STK3: variants seen among roughly 807,000 people sequenced by gnomAD.
STK3 encodes serine/threonine-protein kinase 3.
In STK3, 41 loss-of-function variants were observed where a neutral mutation model predicts 58.0. The ratio of observed to expected loss-of-function variants is 0.71; its 90% CI spans 0.55 to 0.92. The LOEUF (loss-of-function observed/expected upper bound fraction) is 0.92. Ranked by LOEUF, STK3 falls within the 40% of genes least tolerant of loss-of-function variation. STK3 has a pLI of 0.00. For missense variants in STK3, 479 were observed against 602.7 expected (o/e 0.79, Z 2.15); for synonymous variants, 170 against 191.0 (o/e 0.89, Z 0.91).
intron 3 of STK3, among the ~76,000 whole-genome samples, chr8:98,425,790 TAAAG>T (rs1340112493): frequency 6.6e-6 from 1 of 152,078 alleles, no homozygotes; most frequent in African/African-American, 2.4e-5. Context: ...CAGGATTGCG[TAAAG>T]AAAGAATGTA....
chr8:98,631,583 A>G (rs1208127154), intron 6 of STK3, among the ~76,000 whole-genome samples: 1 of 152,038 alleles, frequency 6.6e-6, no homozygotes, highest in Admixed American at 6.6e-5. Flanking sequence ...TATCACAAAC[A>G]TATCTGTCAT....
chr8:98,552,123 T>G (rs1811219407), intron 8 of STK3, among the ~76,000 whole-genome samples: 1 of 152,170 alleles, frequency 6.6e-6, no homozygotes, highest in South Asian at 2.1e-4. Flanking sequence ...AAGCTCACAA[T>G]TTTTAAAAGC....
downstream of STK3, chr8:98,401,259 G>C (rs1817941265): frequency 6.6e-6 from 1 of 152,280 alleles, no homozygotes; most frequent in Non-Finnish European, 1.5e-5. Context: ...CCAGACACCA[G>C]ACATGTGGAT....
intron 1 of STK3, among the ~76,000 whole-genome samples, chr8:98,918,752 G>T (rs1376985913): frequency 6.6e-6 from 1 of 152,064 alleles, no homozygotes; most frequent in Non-Finnish European, 1.5e-5. Flanking sequence ...CTGGGTGACA[G>T]AGTGAGACCC....
chr8:98,743,923 C>T (rs1407213321), intron 4 of STK3, among the ~76,000 whole-genome samples: 3 of 152,156 alleles, frequency 2.0e-5, no homozygotes, highest in East Asian at 1.9e-4. Flanking sequence ...GGGCGAAGGA[C>T]ATGAACAGAC....
chr8:98,610,056 G>C lies in STK3; in HGVS notation c.685-13887C>G, dbSNP rs1313503268. On this transcript the variant is annotated intron_variant, in intron 6 of 10. Coordinates refer to ENST00000419617, the MANE Select transcript of STK3 (RefSeq NM_006281.4). The stretch of plus-strand genomic sequence containing the variant: ...AATTTCAGAAGCATGATAAAATTAA[G>C]AATCTGGAAGAAAACTTTCATAGTA... Among the ~76,000 whole-genome samples the C allele has an allele frequency of 8.6e-5, 13 of 151,392 alleles. No homozygotes were observed. In the South Asian group the frequency reaches 2.7e-3, roughly 32 times the overall value.
the STK3 span, among the ~76,000 whole-genome samples, chr8:98,360,148 T>C: frequency 6.6e-6 from 1 of 152,364 alleles, no homozygotes; most frequent in South Asian, 2.1e-4. Flanking sequence ...TGCAAATACC[T>C]GGGGGTTCCC....
chr8:98,931,159 A>G (rs1041425987), intron 1 of STK3, among the ~76,000 whole-genome samples: 1 of 152,196 alleles, frequency 6.6e-6, no homozygotes, highest in African/African-American at 2.4e-5. Context: ...AAGACTTCCA[A>G]GGAGATAGTG....
intron 1 of STK3, among the ~76,000 whole-genome samples, chr8:98,907,461 C>T (rs1055866082): frequency 6.6e-6 from 1 of 151,966 alleles, no homozygotes. Flanking sequence ...TACAGTGAGC[C>T]GAGATTGTGC....
chr8:98,749,153 C>T (rs1274600614), intron 4 of STK3, 123 bp downstream of exon 4: 2 of 645,950 alleles, frequency 3.1e-6, no homozygotes. Flanking sequence ...GATATCTTTA[C>T]ACCACTTAAA....
chr8:98,733,530 A>G (rs977130783), intron 4 of STK3, among the ~76,000 whole-genome samples: 1 of 152,244 alleles, frequency 6.6e-6, no homozygotes, highest in Non-Finnish European at 1.5e-5. Context: ...TCATCCTGAA[A>G]CTATCACCCC....
intron 3 of STK3, among the ~76,000 whole-genome samples, chr8:98,859,126 T>C (rs146742523): frequency 5.9e-5 from 9 of 152,266 alleles, no homozygotes; most frequent in East Asian, 1.9e-4. Context: ...TTCACACCAA[T>C]AGCTATTCCT....
At chr8:98,868,755 G>C (rs539362198) in intron 3 of STK3, among the ~76,000 whole-genome samples, 3 of 152,114 alleles carry the variant, frequency 2.0e-5, no homozygotes, top group African/African-American at 7.2e-5. Flanking sequence ...GATGGCTTGA[G>C]CTCAGGAGTT....
At chr8:98,929,009 T>C (rs1044589604) in intron 1 of STK3, among the ~76,000 whole-genome samples, 3 of 152,260 alleles carry the variant, frequency 2.0e-5, no homozygotes, top group Non-Finnish European at 4.4e-5. Context: ...TTCATGCCTT[T>C]AATCCCAGTA....
chr8:98,575,626 T>C (rs1285595910), intron 8 of STK3, among the ~76,000 whole-genome samples: 4 of 151,710 alleles, frequency 2.6e-5, no homozygotes, highest in African/African-American at 9.7e-5. Context: ...GAGTTCTCTA[T>C]ACAGTTTGCT....
chr8:98,609,016 G>A (rs747163765), intron 6 of STK3, among the ~76,000 whole-genome samples: 14 of 152,042 alleles, frequency 9.2e-5, no homozygotes, highest in South Asian at 2.1e-4. Flanking sequence ...TTGGCAGATC[G>A]GTCTTCGAAT....
intron 1 of STK3, among the ~76,000 whole-genome samples, chr8:98,788,989 CAAGATAG>C (rs1832644665): frequency 6.6e-6 from 1 of 152,094 alleles, no homozygotes; most frequent in South Asian, 2.1e-4. Flanking sequence ...GAACTTTCTC[CAAGATAG>C]ACCATATGAG....
intron 7 of STK3, among the ~76,000 whole-genome samples, chr8:98,587,670 G>A (rs569533619): frequency 7.2e-5 from 11 of 152,062 alleles, no homozygotes; most frequent in East Asian, 3.9e-4. Context: ...TTTCTGTCTC[G>A]TTGATCTGTC....
At chr8:98,645,497 C>A (rs191872065) in intron 6 of STK3, among the ~76,000 whole-genome samples, 177 of 152,238 alleles carry the variant, frequency 1.2e-3, no homozygotes, top group Non-Finnish European at 1.9e-3. Flanking sequence ...ATATTAGACA[C>A]CCTTTCTTGC....
Sources: allele counts gnomAD v4.1 joint callset (sites outside exome capture counted in the v4.1 genomes callset), GRCh38; gene constraint gnomAD v4.1.1; transcripts MANE v1.5; gene names NCBI Gene and HGNC (gene_info 2026-07-23, HGNC 2026-07-21).